The following SRRM4 variants were observed in gnomAD, a reference collection of about 807,000 sequenced individuals.
SRRM4 encodes the protein serine/arginine repetitive matrix 4, also known as serine/arginine repetitive matrix protein 4.
SRRM4 carries 33 observed loss-of-function variants against 68.9 expected under a neutral mutation model. The ratio of observed to expected loss-of-function variants is 0.48; its 90% confidence interval spans 0.36 to 0.64. The LOEUF is 0.64. Among genes scored for constraint, SRRM4 ranks in the 30% least tolerant of loss-of-function variants. SRRM4 has a pLI of 0.00. For synonymous variants in SRRM4, 318 were observed against 318.8 expected (o/e 1.00, Z 0.03); for missense variants, 817 against 827.1 (o/e 0.99, Z 0.15).
At chr12:119,046,093 C>T (rs1014586450) in intron 1 of SRRM4, among the ~76,000 whole-genome samples, 6 of 151,916 alleles carry the variant, frequency 3.9e-5, no homozygotes, top group Admixed American at 1.3e-4. Context: ...ACAATCCCAG[C>T]GACCCACTGA....
intron 1 of SRRM4, among the ~76,000 whole-genome samples, chr12:118,985,893 T>C (rs948433427): frequency 4.6e-5 from 7 of 152,206 alleles, no homozygotes; most frequent in Non-Finnish European, 1.0e-4. Context: ...ATCAATTGTT[T>C]ATGGATGCAT....
intron 1 of SRRM4, among the ~76,000 whole-genome samples, chr12:119,090,734 G>A (rs1565906019): frequency 6.6e-6 from 1 of 152,052 alleles, no homozygotes; most frequent in African/African-American, 2.4e-5. Context: ...TGTAGCACTC[G>A]CCCCTACTGG....
intron 1 of SRRM4, among the ~76,000 whole-genome samples, chr12:119,009,607 C>T (rs997438568): frequency 6.6e-6 from 1 of 152,200 alleles, no homozygotes; most frequent in African/African-American, 2.4e-5. Context: ...GGGCCAACTA[C>T]TTCACCTCTC....
Position 118,981,790 on chromosome 12 carries a change from A to C in SRRM4, c.-93A>C. On this transcript the variant is annotated 5_prime_UTR_variant, in exon 1 of 13. Transcript: ENST00000267260. ...CCACCCCTCTCTGGGTTTCACCCGG[A>C]CAGAGCCGGGAGCTGGGTGTCGCCC... The C allele has an allele frequency of 7.2e-7, 1 of 1,385,388 alleles. No homozygotes were observed. The highest frequency in any genetic ancestry group is 9.7e-7 in the Non-Finnish European group (1 of 1,034,256). 85.8% of individuals were successfully genotyped at this position (1,385,388 alleles called of 1,614,324 possible). A position where few individuals can be genotyped will look rare whatever the true frequency, so the allele number is the denominator to read the frequency against.
chr12:119,148,239 C>A (rs536102137), intron 9 of SRRM4, among the ~76,000 whole-genome samples: 2 of 152,238 alleles, frequency 1.3e-5, no homozygotes, highest in East Asian at 3.9e-4. Flanking sequence ...TAACACATAC[C>A]CCATTTCAGT....
chr12:119,156,409 T>C, intron 12 of SRRM4, 86 bp from the exon 13 acceptor site: 1 of 1,469,070 alleles, frequency 6.8e-7, no homozygotes, highest in South Asian at 1.4e-5. Flanking sequence ...GGGAGGATAT[T>C]GGTTTCCCTT....
chr12:119,144,766 G>A (rs894216174), intron 8 of SRRM4, among the ~76,000 whole-genome samples: 4 of 150,698 alleles, frequency 2.7e-5, no homozygotes, highest in African/African-American at 7.3e-5. Context: ...GTCAGTTTGC[G>A]ACCTTGACTT....
At chr12:118,997,674 C>A (rs1489094712) in intron 1 of SRRM4, among the ~76,000 whole-genome samples, 1 of 152,156 alleles carries the variant, frequency 6.6e-6, no homozygotes, top group Non-Finnish European at 1.5e-5. Flanking sequence ...AGAGTAGAAC[C>A]CATGGCCTGC....
At chr12:119,017,557 G>A (rs921713046) in intron 1 of SRRM4, among the ~76,000 whole-genome samples, 1 of 152,204 alleles carries the variant, frequency 6.6e-6, no homozygotes, top group Admixed American at 6.5e-5. Flanking sequence ...AGTGTAAGGG[G>A]GTGGCAGGAG....
intron 1 of SRRM4, among the ~76,000 whole-genome samples, chr12:119,023,910 G>A (rs367938043): frequency 1.4e-4 from 21 of 152,082 alleles, no homozygotes; most frequent in Admixed American, 9.8e-4. Flanking sequence ...CCTACACCCC[G>A]CATTTTAATT....
chr12:119,137,860 T>A (rs927500050), intron 8 of SRRM4, among the ~76,000 whole-genome samples: 1 of 152,126 alleles, frequency 6.6e-6, no homozygotes, highest in Non-Finnish European at 1.5e-5. Flanking sequence ...TTCCTTTCAT[T>A]GACAAAAGTC....
At chr12:119,054,094 A>G (rs897225887) in intron 1 of SRRM4, among the ~76,000 whole-genome samples, 6 of 152,096 alleles carry the variant, frequency 3.9e-5, no homozygotes, top group Non-Finnish European at 8.8e-5. Flanking sequence ...CATGAGTTCA[A>G]TTGTGTTTAT....
At chr12:119,150,240 G>A (rs1954429804) in intron 9 of SRRM4, among the ~76,000 whole-genome samples, 1 of 152,210 alleles carries the variant, frequency 6.6e-6, no homozygotes. Context: ...GGGAGGCCAA[G>A]GCGGGTGGAT....
intron 1 of SRRM4, among the ~76,000 whole-genome samples, chr12:119,033,360 A>G (rs1953604281): frequency 6.6e-6 from 1 of 152,208 alleles, no homozygotes; most frequent in African/African-American, 2.4e-5. Flanking sequence ...ACCTCAGAGT[A>G]CATCTCTAAA....
chr12:119,130,621 A>G (rs1033161053), intron 7 of SRRM4, 57 bp from the exon 8 acceptor site: 24 of 1,548,338 alleles, frequency 1.6e-5, no homozygotes, highest in South Asian at 3.6e-5. Flanking sequence ...TCCTGCATAC[A>G]TCTCCCTACC....
intron 8 of SRRM4, among the ~76,000 whole-genome samples, chr12:119,142,676 C>T (rs951227867): frequency 6.6e-6 from 1 of 152,194 alleles, no homozygotes; most frequent in African/African-American, 2.4e-5. Flanking sequence ...TCCAGCCTAG[C>T]TCCCTCCAGG....
chr12:119,105,630 G>A, intron 2 of SRRM4, among the ~76,000 whole-genome samples: 1 of 152,188 alleles, frequency 6.6e-6, no homozygotes, highest in East Asian at 1.9e-4. Context: ...TTTGAGAAGT[G>A]TCTGTTCATA....
chr12:119,027,285 C>G (rs1275725849), intron 1 of SRRM4, among the ~76,000 whole-genome samples: 1 of 152,210 alleles, frequency 6.6e-6, no homozygotes, highest in Non-Finnish European at 1.5e-5. Flanking sequence ...TTAGGGCTTT[C>G]TGTTTCTAAA....
intron 2 of SRRM4, among the ~76,000 whole-genome samples, chr12:119,113,268 G>A (rs925861238): frequency 6.6e-6 from 1 of 152,172 alleles, no homozygotes; most frequent in Non-Finnish European, 1.5e-5. Flanking sequence ...TCTATAAAAA[G>A]TTGGGTAATT....
Sources: allele counts gnomAD v4.1 joint callset (sites outside exome capture counted in the v4.1 genomes callset), GRCh38; gene constraint gnomAD v4.1.1; transcripts MANE v1.5; gene names NCBI Gene and HGNC (gene_info 2026-07-23, HGNC 2026-07-21).